PLCH2: variants seen among roughly 807,000 people sequenced by gnomAD.
PLCH2 encodes the protein 1-phosphatidylinositol 4,5-bisphosphate phosphodiesterase eta-2.
A neutral mutation model predicts 134.7 loss-of-function variants in PLCH2; 98 were observed. That is an observed-to-expected ratio of 0.73 (90% CI 0.62 to 0.86). The LOEUF (loss-of-function observed/expected upper bound fraction) is 0.86. PLCH2 is among the 40% of genes least tolerant of loss of function. The probability of loss-of-function intolerance (pLI) is 0.00; values close to 1 mark genes in which losing one functional copy is unlikely to be tolerated. For synonymous variants in PLCH2, 974 were observed against 827.5 expected (o/e 1.18, Z -3.04); for missense variants, 1,994 against 1,986.6 (o/e 1.00, Z -0.07).
chr1:2,489,422 T>C, intron 9 of PLCH2, 44 bp downstream of exon 9: 1 of 1,598,118 alleles, frequency 6.3e-7, no homozygotes, highest in Non-Finnish European at 8.6e-7. Context: ...ACACAGAGTC[T>C]CGGGCCTGCA....
intron 8 of PLCH2, among the ~76,000 whole-genome samples, chr1:2,488,761 A>G (rs2100687478): frequency 6.6e-6 from 1 of 152,324 alleles, no homozygotes; most frequent in Non-Finnish European, 1.5e-5. Flanking sequence ...TTATGGGACC[A>G]ATGTCAGGAC....
At chr1:2,481,858 A>G (rs888775897) in intron 4 of PLCH2, among the ~76,000 whole-genome samples, 3 of 152,228 alleles carry the variant, frequency 2.0e-5, no homozygotes, top group Non-Finnish European at 4.4e-5. Flanking sequence ...CGAGAGAAGG[A>G]GCCTGCAGCC....
At position 2,505,433 on chromosome 1, in the gene PLCH2, G is replaced by A; in HGVS notation, c.*220G>A. The A allele has an allele frequency of 1.8e-6, 1 of 566,456 alleles. No individual in the cohort carries two copies. The allele number at this position is 566,456 out of a possible 1,614,324, so 35.1% of individuals were successfully genotyped here. A position where few individuals can be genotyped will look rare whatever the true frequency, so the allele number is the denominator to read the frequency against. ...AGGGGCTTCGAGGCTGGCCCTGCCAGGCAGTTTTCCCGGCGTTTTAGGATC... is the reference window on the plus strand; with the variant it reads ...AGGGGCTTCGAGGCTGGCCCTGCCAAGCAGTTTTCCCGGCGTTTTAGGATC... On this transcript the variant is annotated 3_prime_UTR_variant, in exon 22 of 22. Coordinates refer to ENST00000378486, the MANE Select transcript of PLCH2 (RefSeq NM_014638.4).
At chr1:2,442,313 G>A (rs2100529399) in intron 2 of PLCH2, among the ~76,000 whole-genome samples, 1 of 152,260 alleles carries the variant, frequency 6.6e-6, no homozygotes, top group South Asian at 2.1e-4. Flanking sequence ...ATGCACCTGT[G>A]TCTTCTGTCT....
chr1:2,445,050 G>A (rs982023887), intron 2 of PLCH2, among the ~76,000 whole-genome samples: 1 of 152,058 alleles, frequency 6.6e-6, no homozygotes, highest in African/African-American at 2.4e-5. Flanking sequence ...CAGCCTGTTG[G>A]TCTCCCCTAG....
At position 2,499,622 on chromosome 1, in the gene PLCH2, C is replaced by T. The variant is rs1378391462; in HGVS notation, c.2582-19C>T. On this transcript the variant is annotated intron_variant, in intron 19 of 21. Transcript: ENST00000378486. The stretch of plus-strand genomic sequence containing the variant: ...GGGAGGCTGTGACCTCATGACCCTG[C>T]TGACCCACACTGCTCCAGGCTACAG... 8 of 1,581,250 alleles carry T rather than the reference C, an allele frequency of 5.1e-6. No homozygotes were observed. Among genetic ancestry groups the T allele is most frequent in the Non-Finnish European group, 6.9e-6 (8 of 1,161,198 alleles).
At chr1:2,446,899 G>A (rs1036681212) in intron 2 of PLCH2, among the ~76,000 whole-genome samples, 1 of 152,236 alleles carries the variant, frequency 6.6e-6, no homozygotes, top group Non-Finnish European at 1.5e-5. Flanking sequence ...AGCCCCGTGT[G>A]TGTGTGCACA....
chr1:2,498,966 G>A lies in PLCH2; in HGVS notation c.2435-118G>A. On this transcript the variant is annotated intron_variant, in intron 18 of 21. Coordinates refer to ENST00000378486, the MANE Select transcript of PLCH2 (RefSeq NM_014638.4). The surrounding 1 kb of genome is among the most constrained non-coding windows in gnomAD (Gnocchi z 5.4). ...GGGCGCCCTCCCCTCTAGGTGGGCA[G>A]TCCCGGAAGCAGCACCGGGAGTGGC... is the stretch of plus-strand genomic sequence containing the variant. The A allele has an allele frequency of 7.1e-7, 1 of 1,409,834 alleles. No homozygotes were observed. The highest frequency in any genetic ancestry group is 9.7e-7 in the Non-Finnish European group (1 of 1,027,462). The allele number at this position is 1,409,834 out of a possible 1,614,324, so 87.3% of individuals were successfully genotyped here. A position where few individuals can be genotyped will look rare whatever the true frequency, so the allele number is the denominator to read the frequency against.
chr1:2,435,195 T>A (rs1366613256), intron 2 of PLCH2, among the ~76,000 whole-genome samples: 2 of 152,014 alleles, frequency 1.3e-5, no homozygotes, highest in Admixed American at 1.3e-4. Context: ...TGGAAGATGG[T>A]CCCGGGGGTG....
At position 2,498,444 on chromosome 1, in the gene PLCH2, G is replaced by T; in HGVS notation, c.2225-79G>T. ...CTCCTATGTGGGGGCTGGGGAGGGG[G>T]CTGTTGGCAGCCATGCCCCAGCAAG... On this transcript the variant is annotated intron_variant, in intron 16 of 21. Transcript: ENST00000378486. This position sits in a 1 kb window ranked among gnomAD's most constrained non-coding sequence, Gnocchi z 5.4. The T allele has an allele frequency of 1.3e-6, 2 of 1,498,250 alleles. No individual in the cohort carries two copies. The highest frequency in any genetic ancestry group is 1.4e-5 in the African/African-American group (1 of 72,506). 92.8% of individuals were successfully genotyped at this position (1,498,250 alleles called of 1,614,324 possible).
upstream of PLCH2, among the ~76,000 whole-genome samples, chr1:2,463,259 C>A (rs760175498): frequency 1.2e-4 from 18 of 152,170 alleles, no homozygotes; most frequent in Non-Finnish European, 2.5e-4. Flanking sequence ...GGGCAAGAGT[C>A]CCCTGCCTCA....
At position 2,498,818 on chromosome 1, in the gene PLCH2, G is replaced by A. The variant is rs1358864670; in HGVS notation, c.2424G>A (p.Val808=). Residue 808 remains valine, a synonymous_variant, in exon 18 of 22, where the codon GTG becomes GTA. Transcript: ENST00000378486. The surrounding 1 kb of genome is among the most constrained non-coding windows in gnomAD (Gnocchi z 5.4). ...GCAGCAGGGAGCAGACCCGCGTGGTGGACGACAACGGTGAGGCTGGGCCGT... is the reference window on the plus strand; with the variant it reads ...GCAGCAGGGAGCAGACCCGCGTGGTAGACGACAACGGTGAGGCTGGGCCGT... ...VDCSREQTRV[V]DDNGFNPTWE... 12 of 1,608,556 alleles carry A rather than the reference G, an allele frequency of 7.5e-6. No individual in the cohort carries two copies. In the Middle Eastern group the frequency reaches 4.9e-4, roughly 66 times the overall value.
intron 1 of PLCH2, 49 bp from the exon 2 acceptor site, chr1:2,478,427 C>A: frequency 1.3e-6 from 2 of 1,595,888 alleles, no homozygotes; most frequent in African/African-American, 1.3e-5. Context: ...GTCTCTCCTG[C>A]GAGGAGTGGC....
rs750528076 is a variant in PLCH2, at chr1:2,499,278, G to A, written c.2581+48G>A. 630 of 1,599,722 alleles carry A rather than the reference G, an allele frequency of 3.9e-4. 2 individuals are homozygous for A. Among genetic ancestry groups the A allele is most frequent in the Non-Finnish European group, 4.9e-4 (575 of 1,171,768 alleles). On this transcript the variant is annotated intron_variant, in intron 19 of 21. Transcript: ENST00000378486. Reference sequence around the variant, plus strand: ...CCCCCCACACTGGCCGAGGGCCCCAGGGCAGGGCAGGTACTCTTTCCCCTG... The same window carrying A: ...CCCCCCACACTGGCCGAGGGCCCCAAGGCAGGGCAGGTACTCTTTCCCCTG...
chr1:2,423,511 G>A (rs1221475965), upstream of PLCH2, among the ~76,000 whole-genome samples: 2 of 152,190 alleles, frequency 1.3e-5, no homozygotes, highest in African/African-American at 4.8e-5. Context: ...CAAGCAAGGA[G>A]ATGGGAGGAG....
chr1:2,489,956 A>G (rs1642480855), intron 10 of PLCH2, 89 bp downstream of exon 10: 5 of 989,484 alleles, frequency 5.1e-6, no homozygotes, highest in East Asian at 2.4e-5. Flanking sequence ...CGAGTTAGAA[A>G]GGGAGGCATC....
At chr1:2,483,616 G>A (rs147484356) in intron 4 of PLCH2, among the ~76,000 whole-genome samples, 209 of 152,264 alleles carry the variant, frequency 1.4e-3, no homozygotes, top group Non-Finnish European at 2.4e-3. Flanking sequence ...GTGAGGCAAA[G>A]TCCTCAATCC....
At chr1:2,436,194 CTGTTTCCTCCTCCCTCCTT>C (rs1639344589) in intron 2 of PLCH2, among the ~76,000 whole-genome samples, 1 of 129,634 alleles carries the variant, frequency 7.7e-6, no homozygotes, top group Non-Finnish European at 1.7e-5. Context: ...CTTCCTTCCT[CTGTTTCCTCCTCCCTCCTT>C]CCTTCCTGCC....
chr1:2,451,228 C>G (rs571329834), intron 2 of PLCH2, among the ~76,000 whole-genome samples: 18 of 152,180 alleles, frequency 1.2e-4, no homozygotes, highest in African/African-American at 4.3e-4. Flanking sequence ...GGGCCCTCCC[C>G]CTCCCAGCCA....
Sources: allele counts gnomAD v4.1 joint callset (sites outside exome capture counted in the v4.1 genomes callset), GRCh38; gene constraint gnomAD v4.1.1; non-coding constraint Gnocchi (gnomAD v3.1); transcripts MANE v1.5; gene names NCBI Gene and HGNC (gene_info 2026-07-23, HGNC 2026-07-21).